GPC6: variants seen among roughly 807,000 people sequenced by gnomAD.
GPC6 encodes glypican-6.
A neutral mutation model predicts 55.2 loss-of-function variants in GPC6; 14 were observed. That is an observed-to-expected ratio of 0.25 (90% CI 0.17 to 0.40). The LOEUF is 0.40. GPC6 is among the 10% of genes least tolerant of loss of function. The pLI is 1.00. For synonymous variants in GPC6, 278 were observed against 259.6 expected (o/e 1.07, Z -0.68); for missense variants, 641 against 708.5 (o/e 0.90, Z 1.08).
intron 4 of GPC6, among the ~76,000 whole-genome samples, chr13:94,281,356 A>G (rs1322784817): frequency 6.7e-6 from 1 of 149,452 alleles, no homozygotes. Flanking sequence ...CTTCCCTCTC[A>G]CTCCCCAACA....
At chr13:93,806,541 T>C (rs545479973) in intron 2 of GPC6, among the ~76,000 whole-genome samples, 209 of 152,260 alleles carry the variant, frequency 1.4e-3, no homozygotes, top group African/African-American at 4.9e-3. Context: ...GGTTTCACCA[T>C]GTTGGCCAGG....
intron 4 of GPC6, among the ~76,000 whole-genome samples, chr13:94,143,607 A>C (rs61962338): frequency 0.22 from 33,185 of 152,112 alleles, 4,142 homozygotes; most frequent in Non-Finnish European, 0.29. Context: ...AAGGGATAGC[A>C]GCTGGGCACA....
chr13:93,609,293 C>A (rs1878366250), intron 2 of GPC6, among the ~76,000 whole-genome samples: 1 of 152,228 alleles, frequency 6.6e-6, no homozygotes, highest in South Asian at 2.1e-4. Flanking sequence ...CAGCTCACTG[C>A]AACCTCCGCC....
chr13:93,875,080 A>G (rs1253331680), intron 3 of GPC6, among the ~76,000 whole-genome samples: 2 of 151,990 alleles, frequency 1.3e-5, no homozygotes, highest in Non-Finnish European at 2.9e-5. Flanking sequence ...TTCAATTAAT[A>G]GTGTTGGGCT....
At chr13:93,694,782 C>T (rs1882390673) in intron 2 of GPC6, among the ~76,000 whole-genome samples, 1 of 152,110 alleles carries the variant, frequency 6.6e-6, no homozygotes, top group African/African-American at 2.4e-5. Context: ...GCTTGAGTTG[C>T]CTTTCTTTTT....
intron 1 of GPC6, among the ~76,000 whole-genome samples, chr13:93,231,696 T>C (rs1325632149): frequency 6.6e-6 from 1 of 151,962 alleles, no homozygotes; most frequent in Non-Finnish European, 1.5e-5. Context: ...TTCAGTATAC[T>C]AGGCCTATTG....
intron 2 of GPC6, among the ~76,000 whole-genome samples, chr13:93,597,026 AAAAAG>A (rs1292309524): frequency 9.2e-5 from 13 of 142,074 alleles, no homozygotes; most frequent in South Asian, 6.3e-4. Context: ...AAAAAAAAAA[AAAAAG>A]AAAAGAAAAG....
chr13:93,898,987 A>G (rs565426343), intron 3 of GPC6, among the ~76,000 whole-genome samples: 14 of 148,578 alleles, frequency 9.4e-5, no homozygotes, highest in Non-Finnish European at 1.6e-4. Flanking sequence ...ATATATACAT[A>G]CATCCCAGAT....
chr13:93,573,785 A>G (rs1231524847), intron 2 of GPC6, among the ~76,000 whole-genome samples: 2 of 152,136 alleles, frequency 1.3e-5, no homozygotes, highest in Non-Finnish European at 2.9e-5. Flanking sequence ...ACCAATTAAT[A>G]CTGATAAGTA....
intron 4 of GPC6, among the ~76,000 whole-genome samples, chr13:94,138,988 G>A (rs927434856): frequency 6.6e-6 from 1 of 152,090 alleles, no homozygotes; most frequent in Admixed American, 6.6e-5. Context: ...GATAGGAGGG[G>A]CGCCTGTCCC....
chr13:94,295,281 A>T lies in GPC6; in HGVS notation c.1008+8802A>T, dbSNP rs75881006. The stretch of plus-strand genomic sequence containing the variant: ...GAGCACAATGATATAATCCATGTAA[A>T]ATGTTTACCATGGAGTAAGTCAAAT... On this transcript the variant is annotated intron_variant, in intron 5 of 8. Coordinates refer to ENST00000377047, the MANE Select transcript of GPC6 (RefSeq NM_005708.5). Among the ~76,000 whole-genome samples, 440 of 152,276 alleles carry T rather than the reference A, an allele frequency of 2.9e-3. 4 individuals carry two copies. Among genetic ancestry groups the T allele is most frequent in the African/African-American group, 9.5e-3 (396 of 41,548 alleles).
chr13:94,009,670 G>T (rs540073946), intron 3 of GPC6, among the ~76,000 whole-genome samples: 1 of 152,194 alleles, frequency 6.6e-6, no homozygotes, highest in East Asian at 1.9e-4. Context: ...TTTAGGCCAT[G>T]GCCCTACATA....
intron 2 of GPC6, among the ~76,000 whole-genome samples, chr13:93,788,323 A>G (rs1425238375): frequency 6.6e-6 from 1 of 152,048 alleles, no homozygotes; most frequent in Non-Finnish European, 1.5e-5. Flanking sequence ...AGCCTCTTTT[A>G]TAGGGGCCTT....
chr13:94,316,332 C>A (rs1876526272), intron 6 of GPC6, among the ~76,000 whole-genome samples: 1 of 152,120 alleles, frequency 6.6e-6, no homozygotes, highest in South Asian at 2.1e-4. Context: ...ATCATTCAAC[C>A]AGAGCAAAGG....
chr13:93,547,967 T>C (rs16948962), intron 2 of GPC6, among the ~76,000 whole-genome samples: 1,786 of 152,260 alleles, frequency 0.012, 28 homozygotes, highest in African/African-American at 0.035. Flanking sequence ...ATGTGGGTAG[T>C]TTTCCATTTG....
At chr13:94,159,802 T>C (rs1216467330) in intron 4 of GPC6, among the ~76,000 whole-genome samples, 1 of 152,196 alleles carries the variant, frequency 6.6e-6, no homozygotes, top group African/African-American at 2.4e-5. Context: ...TAAACAATAA[T>C]ATGTTCTAGG....
At chr13:94,322,957 G>A (rs1876912074) in intron 6 of GPC6, among the ~76,000 whole-genome samples, 1 of 152,134 alleles carries the variant, frequency 6.6e-6, no homozygotes, top group Non-Finnish European at 1.5e-5. Flanking sequence ...GCACACATGT[G>A]TATTTTGTTT....
At chr13:93,747,193 G>A (rs1192169391) in intron 2 of GPC6, among the ~76,000 whole-genome samples, 3 of 152,106 alleles carry the variant, frequency 2.0e-5, no homozygotes, top group Non-Finnish European at 2.9e-5. Flanking sequence ...ATATACCTGA[G>A]GCATTAATAA....
chr13:93,536,236 A>G (rs1882056895), intron 1 of GPC6, among the ~76,000 whole-genome samples: 1 of 152,186 alleles, frequency 6.6e-6, no homozygotes, highest in Non-Finnish European at 1.5e-5. Flanking sequence ...TTGGTAAAAT[A>G]TATATAATAT....
Sources: gnomAD v4.1 joint callset for allele counts (sites outside exome capture counted in the v4.1 genomes callset) on GRCh38, gnomAD v4.1.1 for gene constraint, MANE v1.5 for transcripts, NCBI Gene and HGNC (gene_info 2026-07-23, HGNC 2026-07-21) for gene names.